The following ALDH1L2 variants were observed in gnomAD, a reference collection of about 807,000 sequenced individuals.
ALDH1L2 encodes aldehyde dehydrogenase 1 family member L2, also known as mitochondrial 10-formyltetrahydrofolate dehydrogenase.
ALDH1L2 carries 91 observed loss-of-function variants against 111.0 expected under a neutral mutation model. The observed-to-expected ratio is 0.82, with a 90% CI of 0.69 to 0.98. The LOEUF (loss-of-function observed/expected upper bound fraction) is 0.98, where lower values mean the gene tolerates loss of function less well. Ranked by LOEUF, ALDH1L2 falls within the 50% of genes least tolerant of loss-of-function variation. ALDH1L2 has a pLI of 0.00. For missense variants in ALDH1L2, 995 were observed against 1,126.8 expected (o/e 0.88, Z 1.67); for synonymous variants, 374 against 392.6 (o/e 0.95, Z 0.56).
At position 105,039,745 on chromosome 12, in the gene ALDH1L2, T is replaced by A. The variant is rs4964317; in HGVS notation, c.2013A>T (p.Gly671=). 0.37 allele frequency: 594,597 copies of A among 1,612,674 alleles called. 113,309 individuals are homozygous for A. Among genetic ancestry groups the A allele is most frequent in the South Asian group, 0.53 (47,827 of 91,004 alleles). The change falls in exon 17 of 23, where the codon GGA becomes GGT. Residue 671 remains glycine (G), a synonymous_variant. Coordinates refer to ENST00000258494, the MANE Select transcript of ALDH1L2 (RefSeq NM_001034173.4). The stretch of plus-strand genomic sequence containing the variant: ...TGATCTGTTTGCCAATAGGAGTGGA[T>A]CCAGTGAAACCAAGTTTGCGGATGT... ...HPDIRKLGFT[G]STPIGKQIMK...
At chr12:105,040,345 G>C (rs1875457503) in intron 16 of ALDH1L2, among the ~76,000 whole-genome samples, 1 of 151,906 alleles carries the variant, frequency 6.6e-6, no homozygotes, top group Non-Finnish European at 1.5e-5. Context: ...TTCCAGAGTA[G>C]TTTTTGAAAA....
intron 2 of ALDH1L2, among the ~76,000 whole-genome samples, chr12:105,073,349 G>A (rs901745183): frequency 1.3e-5 from 2 of 152,198 alleles, no homozygotes; most frequent in Admixed American, 1.3e-4. Flanking sequence ...CTATAAGTGA[G>A]GTTGGTAGTT....
intron 12 of ALDH1L2, among the ~76,000 whole-genome samples, chr12:105,051,795 T>TA (rs936726696): frequency 1.1e-4 from 17 of 151,554 alleles, no homozygotes; most frequent in African/African-American, 4.1e-4. Context: ...TTTTTCCTTT[T>TA]TTTTTTTGAG....
In ALDH1L2 at chr12:105,022,058, C is replaced by T. The variant is rs1056821747; in HGVS notation, c.*2366G>A. 1 of 152,088 alleles carries T rather than the reference C, an allele frequency of 6.6e-6. No individual in the cohort carries two copies. The highest frequency in any genetic ancestry group is 1.5e-5 in the Non-Finnish European group (1 of 68,022). The allele number at this position is 152,088 out of a possible 1,614,324, so 9.4% of individuals were successfully genotyped here. ...CCTTAGCATTATTAGCAAAATAATC[C>T]GTGATCTAAAGCAACAGCGATGATT... On this transcript the variant is annotated 3_prime_UTR_variant, in exon 23 of 23. Transcript: ENST00000258494.
In ALDH1L2 at chr12:105,034,752, G is replaced by C. The variant is rs1381534454; in HGVS notation, c.2146-354C>G. ...TGTAATCCCAGAACTTTGGGAGGCT[G>C]AGGCGGGCAGATCACAAGGTCAGGA... On this transcript the variant is annotated intron_variant, in intron 18 of 22. Coordinates refer to ENST00000258494, the MANE Select transcript of ALDH1L2 (RefSeq NM_001034173.4). Among the ~76,000 whole-genome samples, 9 of 152,306 alleles carry C rather than the reference G, an allele frequency of 5.9e-5. No homozygotes were observed. In the East Asian group the frequency reaches 1.7e-3, roughly 29 times the overall value.
chr12:105,050,321 ATGAC>A, intron 12 of ALDH1L2: 1 of 249,092 alleles, frequency 4.0e-6, no homozygotes, highest in Non-Finnish European at 7.6e-6. Flanking sequence ...AAGTAGAACA[ATGAC>A]TGAGCCAGTA....
chr12:105,054,131 G>A (rs1235357005), intron 10 of ALDH1L2, among the ~76,000 whole-genome samples: 1 of 152,148 alleles, frequency 6.6e-6, no homozygotes, highest in East Asian at 1.9e-4. Flanking sequence ...GCTTAGGGAA[G>A]TTAAGTAACT....
chr12:105,022,519 T>C lies in ALDH1L2; in HGVS notation c.*1905A>G, dbSNP rs1208421199. ...CCATTCCATCTATCATTAAAATAAT[T>C]TGATTAAATCATATTCTAAATCACA... On this transcript the variant is annotated 3_prime_UTR_variant, in exon 23 of 23. Transcript: ENST00000258494. 1.3e-5 allele frequency: 2 copies of C among 152,256 alleles called. No individual in the cohort carries two copies. The highest frequency in any genetic ancestry group is 1.9e-4 in the East Asian group (1 of 5,202). The allele number at this position is 152,256 out of a possible 1,614,324, so 9.4% of individuals were successfully genotyped here.
rs750936286 is a variant in ALDH1L2 at position 105,026,704 on chromosome 12, A to G, written c.2557T>C (p.Tyr853His). ...GVLQRANSTEYGLASGVFTRD... is the reference protein window; with the variant it reads ...GVLQRANSTEHGLASGVFTRD... ...GTAAAAACCCCTGAGGCCAAACCAT[A>G]CTCTGTACTATTTGCTCGCTGCAAC... is the stretch of plus-strand genomic sequence containing the variant. Residue 853 changes from tyrosine to histidine, a missense_variant, in exon 22 of 23, where the codon TAT becomes CAT. By Grantham distance (83) the Tyr-to-His change is moderately conservative. Transcript: ENST00000258494. 6.2e-7 allele frequency: 1 copy of G among 1,613,828 alleles called. No homozygotes were observed. Among genetic ancestry groups the G allele is most frequent in the Non-Finnish European group, 8.5e-7 (1 of 1,180,000 alleles).
intron 7 of ALDH1L2, 72 bp downstream of exon 7, chr12:105,062,816 A>G: frequency 6.5e-7 from 1 of 1,538,610 alleles, no homozygotes; most frequent in Non-Finnish European, 8.7e-7. Context: ...AGTGAAAGCT[A>G]TTCCCTTAAT....
intron 12 of ALDH1L2, 130 bp from the exon 13 acceptor site, chr12:105,050,188 T>C (rs7485673): frequency 0.27 from 222,049 of 834,550 alleles, 32,366 homozygotes; most frequent in South Asian, 0.45. Context: ...CTTATAGAGA[T>C]CATGGTCCAG....
chr12:105,074,092 C>T (rs1315742632), intron 1 of ALDH1L2, 87 bp from the exon 2 acceptor site: 18 of 1,514,354 alleles, frequency 1.2e-5, no homozygotes, highest in Middle Eastern at 1.7e-4. Context: ...CTATTGGGTA[C>T]GATGTTCACT....
At chr12:105,074,520 G>A (rs1877936594) in intron 1 of ALDH1L2, among the ~76,000 whole-genome samples, 2 of 150,766 alleles carry the variant, frequency 1.3e-5, no homozygotes, top group Non-Finnish European at 2.9e-5. Flanking sequence ...GGTAATCAGA[G>A]GGTCATGACT....
chr12:105,069,432 TA>T (rs1877553575), intron 3 of ALDH1L2, among the ~76,000 whole-genome samples: 1 of 152,186 alleles, frequency 6.6e-6, no homozygotes, highest in South Asian at 2.1e-4. Context: ...AATCAAGACC[TA>T]AATCAATCCA....
intron 10 of ALDH1L2, among the ~76,000 whole-genome samples, chr12:105,057,438 G>A (rs1368985028): frequency 1.3e-5 from 2 of 152,112 alleles, no homozygotes; most frequent in African/African-American, 4.8e-5. Flanking sequence ...GAAAACATAT[G>A]TTCATGCAAA....
Position 105,060,969 on chromosome 12 carries a change from G to A in ALDH1L2, c.1139+12C>T. Reference sequence around the variant, plus strand: ...GGGAATCCCTAGTGAGTCAATAAGGGCGTGGTTTTACCTGGCAACATCCAT... The same window carrying A: ...GGGAATCCCTAGTGAGTCAATAAGGACGTGGTTTTACCTGGCAACATCCAT... On this transcript the variant is annotated intron_variant, in intron 9 of 22. Transcript: ENST00000258494. 1 of 1,611,336 alleles carries A rather than the reference G, an allele frequency of 6.2e-7. No homozygotes were observed. The highest frequency in any genetic ancestry group is 8.5e-7 in the Non-Finnish European group (1 of 1,177,632).
chr12:105,068,659 G>GA, intron 4 of ALDH1L2, 60 bp downstream of exon 4: 1 of 1,320,174 alleles, frequency 7.6e-7, no homozygotes, highest in Non-Finnish European at 9.8e-7. Flanking sequence ...CTTCATAAAA[G>GA]AAAAAATATT....
At chr12:105,056,479 G>C (rs1876637477) in intron 10 of ALDH1L2, among the ~76,000 whole-genome samples, 1 of 151,866 alleles carries the variant, frequency 6.6e-6, no homozygotes, top group Non-Finnish European at 1.5e-5. Context: ...AAAGAGTACT[G>C]GTAAAGGTAA....
intron 15 of ALDH1L2, among the ~76,000 whole-genome samples, chr12:105,042,238 C>T (rs1263083677): frequency 1.3e-5 from 2 of 152,100 alleles, no homozygotes; most frequent in East Asian, 1.9e-4. Flanking sequence ...GCCCTTTTTA[C>T]ATTTGTCATT....
Sources: allele counts gnomAD v4.1 joint callset (sites outside exome capture counted in the v4.1 genomes callset), GRCh38; gene constraint gnomAD v4.1.1; transcripts MANE v1.5; gene names NCBI Gene and HGNC (gene_info 2026-07-23, HGNC 2026-07-21).